The following PPEF1 variants were observed in gnomAD, a reference collection of about 807,000 sequenced individuals.
PPEF1 encodes serine/threonine-protein phosphatase with EF-hands 1.
In PPEF1, 12 loss-of-function variants were observed where a neutral mutation model predicts 53.3. The observed-to-expected ratio is 0.23, with a 90% CI of 0.14 to 0.36. The LOEUF is 0.36. Among genes scored for constraint, PPEF1 ranks in the 10% least tolerant of loss-of-function variants. The pLI is 1.00. For synonymous variants in PPEF1, 165 were observed against 176.7 expected, an observed-to-expected ratio of 0.93 and a Z score of 0.52; for missense variants, 334 against 490.4, an observed-to-expected ratio of 0.68 and a Z score of 3.01.
intron 10 of PPEF1, among the ~76,000 whole-genome samples, chrX:18,797,083 T>C (rs2046446202): frequency 9.0e-6 from 1 of 111,310 alleles, no homozygotes; most frequent in Admixed American, 9.6e-5. Flanking sequence ...AGAGCTGACA[T>C]TGGGTAAAAT....
intron 6 of PPEF1, among the ~76,000 whole-genome samples, chrX:18,762,661 T>G (rs2045689802): frequency 8.9e-6 from 1 of 112,164 alleles, no homozygotes; most frequent in East Asian, 2.8e-4. Context: ...GCCTCCCCTT[T>G]TTAGACCACA....
chrX:18,724,791 G>A (rs923745320), intron 1 of PPEF1, among the ~76,000 whole-genome samples: 6 of 110,825 alleles, frequency 5.4e-5, no homozygotes, highest in Admixed American at 1.9e-4. Flanking sequence ...GGTTATGGGG[G>A]CCAGCAACCC....
intron 10 of PPEF1, 110 bp from the exon 11 acceptor site, chrX:18,803,782 G>T: frequency 5.3e-6 from 4 of 749,649 alleles, no homozygotes; most frequent in Non-Finnish European, 7.7e-6. Flanking sequence ...GGAAGAATGA[G>T]AAGTGGTCTT....
At chrX:18,717,724 C>T (rs371206449) in intron 1 of PPEF1, among the ~76,000 whole-genome samples, 14 of 111,570 alleles carry the variant, frequency 1.3e-4, no homozygotes, top group African/African-American at 4.6e-4. Flanking sequence ...TTTTAGGTCT[C>T]TGCATGAACT....
At chrX:18,809,101 A>ATCTGTCTG (rs762677735) in intron 12 of PPEF1, among the ~76,000 whole-genome samples, 1,127 of 105,426 alleles carry the variant, frequency 0.011, 21 homozygotes, top group African/African-American at 0.037. Context: ...ATATCTATCT[A>ATCTGTCTG]TCTATCTATC....
At chrX:18,798,948 A>G (rs1244395698) in intron 10 of PPEF1, among the ~76,000 whole-genome samples, 1 of 109,953 alleles carries the variant, frequency 9.1e-6, no homozygotes, top group African/African-American at 3.3e-5. Context: ...TTAAAATGAC[A>G]TGGTCTAGGC....
intron 6 of PPEF1, among the ~76,000 whole-genome samples, chrX:18,766,627 C>A (rs1027879569): frequency 8.9e-6 from 1 of 112,304 alleles, no homozygotes; most frequent in Non-Finnish European, 1.9e-5. Flanking sequence ...GACCCATGAA[C>A]CAGTATCAGT....
chrX:18,711,647 A>C (rs1257396226), intron 1 of PPEF1, among the ~76,000 whole-genome samples: 1 of 89,618 alleles, frequency 1.1e-5, no homozygotes, highest in East Asian at 3.8e-4. Context: ...TCTTAGCACC[A>C]TTGTCAAAAA....
At chrX:18,802,200 G>A (rs965122143) in intron 10 of PPEF1, among the ~76,000 whole-genome samples, 9 of 109,725 alleles carry the variant, frequency 8.2e-5, no homozygotes, top group East Asian at 5.8e-4. Context: ...AAGTAGCTGG[G>A]AACACATTCC....
chrX:18,743,539 T>C (rs2147434456), intron 3 of PPEF1, among the ~76,000 whole-genome samples: 1 of 95,818 alleles, frequency 1.0e-5, no homozygotes, highest in African/African-American at 3.9e-5. Context: ...AACCTCTGCC[T>C]CCCGGGTTCA....
At chrX:18,761,229 T>G (rs758969224) in intron 5 of PPEF1, among the ~76,000 whole-genome samples, 60 of 111,936 alleles carry the variant, frequency 5.4e-4, no homozygotes, top group African/African-American at 1.6e-3. Context: ...CATAGAGTGG[T>G]TGTAAGGACT....
chrX:18,755,110 A>T (rs1007684032), intron 4 of PPEF1, among the ~76,000 whole-genome samples: 1 of 111,740 alleles, frequency 8.9e-6, no homozygotes, highest in African/African-American at 3.3e-5. Context: ...ATAATAGAGA[A>T]GATTGATAAT....
chrX:18,773,780 C>T (rs757563006), intron 6 of PPEF1, among the ~76,000 whole-genome samples: 6 of 111,854 alleles, frequency 5.4e-5, no homozygotes, highest in Non-Finnish European at 1.1e-4. Flanking sequence ...CTCTCTCTCT[C>T]TCTCAATAAG....
intron 2 of PPEF1, among the ~76,000 whole-genome samples, chrX:18,733,232 A>G (rs2044880318): frequency 9.0e-6 from 1 of 111,470 alleles, no homozygotes; most frequent in Non-Finnish European, 1.9e-5. Flanking sequence ...AGAGATCATA[A>G]TGAACAAAAT....
At chrX:18,715,691 C>G (rs2044437368) in intron 1 of PPEF1, among the ~76,000 whole-genome samples, 1 of 111,769 alleles carries the variant, frequency 8.9e-6, no homozygotes, top group Non-Finnish European at 1.9e-5. Context: ...ATTAGTCTCC[C>G]TCGTTTTATA....
At chrX:18,798,498 C>T (rs764356434) in intron 10 of PPEF1, among the ~76,000 whole-genome samples, 1 of 111,804 alleles carries the variant, frequency 8.9e-6, no homozygotes, top group South Asian at 3.8e-4. Context: ...ATGAGAGTGA[C>T]AGGCATTCTC....
At chrX:18,725,698 A>G (rs1414992686) in intron 1 of PPEF1, among the ~76,000 whole-genome samples, 2 of 111,641 alleles carry the variant, frequency 1.8e-5, no homozygotes, top group Non-Finnish European at 3.8e-5. Flanking sequence ...ATAGCTTAAT[A>G]AGTGGCATGT....
In PPEF1 at chrX:18,730,073, C is replaced by T. The variant is rs780985117; in HGVS notation, c.47-108C>T. ...GTTTGGTGTTTTAATATTCTTAGAA[C>T]CTAGGAATCCAGGTGGACTGCTTTT... On this transcript the variant is annotated intron_variant, in intron 1 of 15. Coordinates refer to ENST00000470157, the MANE Select transcript of PPEF1 (RefSeq NM_001377996.1). The T allele has an allele frequency of 5.1e-6, 4 of 791,526 alleles. No homozygotes were observed. In the Admixed American group the frequency reaches 1.2e-4, roughly 24 times the overall value. 65.2% of individuals were successfully genotyped at this position (791,526 alleles called of 1,213,427 possible).
intron 1 of PPEF1, among the ~76,000 whole-genome samples, chrX:18,725,304 G>A (rs1369850937): frequency 9.0e-6 from 1 of 111,578 alleles, no homozygotes; most frequent in Non-Finnish European, 1.9e-5. Flanking sequence ...GGAAAAGGGT[G>A]GAATTATTCC....
Sources: allele counts gnomAD v4.1 joint callset (sites outside exome capture counted in the v4.1 genomes callset), GRCh38; gene constraint gnomAD v4.1.1; transcripts MANE v1.5; gene names NCBI Gene and HGNC (gene_info 2026-07-23, HGNC 2026-07-21).